The following THRA variants were observed in gnomAD, a reference collection of about 807,000 sequenced individuals.
The protein encoded by THRA is EAR-7.
Under a neutral mutation model 45.0 loss-of-function variants are expected in THRA, and 13 were observed. The observed-to-expected ratio is 0.29, with a 90% CI of 0.19 to 0.46. The LOEUF (loss-of-function observed/expected upper bound fraction) is 0.46, where lower values mean the gene tolerates loss of function less well. Ranked by LOEUF, THRA falls within the 20% of genes least tolerant of loss-of-function variation. The pLI is 1.00. For synonymous variants in THRA, 195 were observed against 214.0 expected (o/e 0.91, Z 0.78); for missense variants, 278 against 556.1 (o/e 0.50, Z 5.03).
chr17:40,086,924 C>G, intron 7 of THRA, 71 bp downstream of exon 7: 1 of 1,592,214 alleles, frequency 6.3e-7, no homozygotes, highest in East Asian at 2.2e-5. Flanking sequence ...TCACCCAGTA[C>G]AGGCTCATCT....
At chr17:40,085,459 G>A (rs1246841953) in intron 6 of THRA, among the ~76,000 whole-genome samples, 3 of 148,020 alleles carry the variant, frequency 2.0e-5, no homozygotes, top group South Asian at 2.2e-4. Context: ...TCCGTCTCCC[G>A]AGTAGTTGGG....
At chr17:40,088,158 C>T (rs914019001) in intron 7 of THRA, 84 bp from the exon 8 acceptor site, 10 of 1,499,842 alleles carry the variant, frequency 6.7e-6, no homozygotes, top group South Asian at 1.4e-5. Context: ...GCGGGCCTCA[C>T]GGCTCCCGTA....
At chr17:40,093,479 G>A (rs886317564), downstream of THRA, 19 of 1,468,554 alleles carry the variant, frequency 1.3e-5, no homozygotes, top group Non-Finnish European at 1.7e-5. This position sits in a 1 kb window ranked among gnomAD's most constrained non-coding sequence, Gnocchi z 5.9. Context: ...CTGGGAGCGT[G>A]GGCTCAGCAG....
chr17:40,071,762 T>C (rs1224978373), intron 1 of THRA, among the ~76,000 whole-genome samples: 1 of 152,186 alleles, frequency 6.6e-6, no homozygotes, highest in Non-Finnish European at 1.5e-5. Flanking sequence ...CCTTTTTCTG[T>C]CCGTGGCTAA....
chr17:40,071,274 G>T (rs1986765461), intron 1 of THRA, among the ~76,000 whole-genome samples: 1 of 152,228 alleles, frequency 6.6e-6, no homozygotes, highest in Non-Finnish European at 1.5e-5. Context: ...GGGTAGTATT[G>T]GGGGTTAGAT....
chr17:40,084,929 C>A, intron 6 of THRA, 114 bp downstream of exon 6: 1 of 1,132,438 alleles, frequency 8.8e-7, no homozygotes, highest in Non-Finnish European at 1.3e-6. Context: ...ACCCAAAATA[C>A]ATACTCTTCA....
At position 40,083,915 on chromosome 17, in the gene THRA, G is replaced by A. The variant is rs1246534006; in HGVS notation, c.303G>A (p.Lys101=). The change falls in exon 5 of 9, where the codon AAG becomes AAA. Residue 101 remains lysine (K), a synonymous_variant. Transcript: ENST00000450525. ...CKYDSCCVID[K]ITRNQCQLCR... is the part of the protein sequence containing the mutation. ...ATGACAGCTGCTGTGTCATTGACAA[G>A]ATCACCCGCAATCAGTGCCAGCTGT... 6.8e-6 allele frequency: 11 copies of A among 1,613,866 alleles called. No individual in the cohort carries two copies. Among genetic ancestry groups the A allele is most frequent in the South Asian group, 2.2e-5 (2 of 91,062 alleles).
chr17:40,084,047 C>A (rs1233062476), intron 5 of THRA, 65 bp downstream of exon 5: 1 of 1,513,862 alleles, frequency 6.6e-7, no homozygotes, highest in South Asian at 1.3e-5. Context: ...TCTGGGAGGG[C>A]AGCTTCCTTC....
intron 4 of THRA, among the ~76,000 whole-genome samples, chr17:40,082,983 A>G (rs1327617720): frequency 6.8e-6 from 1 of 146,264 alleles, no homozygotes; most frequent in Admixed American, 6.9e-5. Flanking sequence ...CCTGGAGTGC[A>G]GTGGCGCGAT....
chr17:40,087,058 GACAC>G (rs376422807), intron 7 of THRA: 40 of 590,256 alleles, frequency 6.8e-5, no homozygotes, highest in East Asian at 4.0e-4. Context: ...CACATACACG[GACAC>G]ACACACACAC....
At position 40,077,621 on chromosome 17, in the gene THRA, C is replaced by T; in HGVS notation, c.222+13C>T. ...TGAGGGCTGCAAGGTATGGAAGCTA[C>T]CTCCTGCCCCTCCCCTGCCACCTGA... On this transcript the variant is annotated intron_variant, in intron 4 of 8. Transcript: ENST00000450525. 1 of 1,606,478 alleles carries T rather than the reference C, an allele frequency of 6.2e-7. No individual in the cohort carries two copies. Among genetic ancestry groups the T allele is most frequent in the Non-Finnish European group, 8.5e-7 (1 of 1,173,306 alleles).
At position 40,092,182 on chromosome 17, in the gene THRA, G is replaced by A. The variant is rs996936331; in HGVS notation, c.*2726G>A. On this transcript the variant is annotated 3_prime_UTR_variant, in exon 9 of 9. Coordinates refer to ENST00000450525, the MANE Select transcript of THRA (RefSeq NM_199334.5). ...CCTCATCCAGCCTCCTCCCTGCTCA[G>A]ACTTGGGGAGGGTGGGGGAGGAGCC... is the stretch of plus-strand genomic sequence containing the variant. 2 of 152,224 alleles carry A rather than the reference G, an allele frequency of 1.3e-5. No homozygotes were observed. The highest frequency in any genetic ancestry group is 2.9e-5 in the Non-Finnish European group (2 of 68,126). 9.4% of individuals were successfully genotyped at this position (152,224 alleles called of 1,614,324 possible).
intron 1 of THRA, among the ~76,000 whole-genome samples, chr17:40,067,179 C>T (rs760068326): frequency 2.0e-5 from 3 of 151,642 alleles, no homozygotes; most frequent in Non-Finnish European, 2.9e-5. Context: ...CAAGGCAGGC[C>T]CCTCTGCCCC....
intron 1 of THRA, among the ~76,000 whole-genome samples, chr17:40,068,053 C>T (rs1986635486): frequency 6.6e-6 from 1 of 152,130 alleles, no homozygotes; most frequent in Non-Finnish European, 1.5e-5. Flanking sequence ...GAAAACAAAA[C>T]AAAAAACCCA....
chr17:40,084,073 GC>G, intron 5 of THRA, 91 bp downstream of exon 5: 1 of 1,445,284 alleles, frequency 6.9e-7, no homozygotes, highest in Non-Finnish European at 9.3e-7. Flanking sequence ...TACCCTCAGA[GC>G]CCACAGGGCA....
downstream of THRA, chr17:40,093,648 T>G: frequency 1.5e-6 from 1 of 657,094 alleles, no homozygotes; most frequent in South Asian, 2.0e-5. This position sits in a 1 kb window ranked among gnomAD's most constrained non-coding sequence, Gnocchi z 5.9. Context: ...AGGCCCCAAC[T>G]CAAGTGTCAC....
chr17:40,076,859 G>C lies in THRA; in HGVS notation c.54-12G>C, dbSNP rs750378693. On this transcript the variant is annotated splice_polypyrimidine_tract_variant and intron_variant, in intron 2 of 8. Coordinates refer to ENST00000450525, the MANE Select transcript of THRA (RefSeq NM_199334.5). ...ACTGCTCTGTGATTCTGCCCACTTT[G>C]CCTCCATCCAGTGCCAGGTCACCAG... 1.2e-6 allele frequency: 2 copies of C among 1,613,958 alleles called. No individual in the cohort carries two copies. The highest frequency in any genetic ancestry group is 1.7e-6 in the Non-Finnish European group (2 of 1,179,882).
intron 2 of THRA, among the ~76,000 whole-genome samples, chr17:40,075,529 G>A (rs538330700): frequency 6.6e-6 from 1 of 152,320 alleles, no homozygotes; most frequent in South Asian, 2.1e-4. Flanking sequence ...CTGGCCTGTC[G>A]CTGTGTGGCT....
Position 40,084,060 on chromosome 17 carries a change from G to C in THRA, c.370+78G>C, listed in dbSNP as rs568185181. ...GTTCTGGGAGGGCAGCTTCCTTCCA[G>C]GGTACCCTCAGAGCCCACAGGGCAG... On this transcript the variant is annotated intron_variant, in intron 5 of 8. Coordinates refer to ENST00000450525, the MANE Select transcript of THRA (RefSeq NM_199334.5). 50 of 1,501,684 alleles carry C rather than the reference G, an allele frequency of 3.3e-5. 1 individual carries two copies. The Admixed American group carries it at 1.1e-3, about 32-fold the overall frequency. The allele number at this position is 1,501,684 out of a possible 1,614,324, so 93.0% of individuals were successfully genotyped here.
Sources: allele counts gnomAD v4.1 joint callset (sites outside exome capture counted in the v4.1 genomes callset), GRCh38; gene constraint gnomAD v4.1.1; non-coding constraint Gnocchi (gnomAD v3.1); transcripts MANE v1.5; gene names NCBI Gene and HGNC (gene_info 2026-07-23, HGNC 2026-07-21).